The following FIGN variants were observed in gnomAD, a reference collection of about 807,000 sequenced individuals.
FIGN encodes the protein fidgetin.
FIGN carries 11 observed loss-of-function variants against 51.3 expected under a neutral mutation model. That is an observed-to-expected ratio of 0.21 (90% confidence interval 0.13 to 0.35). The LOEUF is 0.35. FIGN is among the 10% of genes least tolerant of loss of function. The pLI is 1.00. For synonymous variants in FIGN, 407 were observed against 363.2 expected, an observed-to-expected ratio of 1.12 and a Z score of -1.37; for missense variants, 857 against 943.6, an observed-to-expected ratio of 0.91 and a Z score of 1.20.
In FIGN at chr2:163,603,799, A is replaced by AT. The variant is rs1691027460; in HGVS notation, c.*5752dup. 1 of 152,098 alleles carries AT rather than the reference A, an allele frequency of 6.6e-6. No homozygotes were observed. The highest frequency in any genetic ancestry group is 6.6e-5 in the Admixed American group (1 of 15,246). The allele number at this position is 152,098 out of a possible 1,614,324, so 9.4% of individuals were successfully genotyped here. The stretch of plus-strand genomic sequence containing the variant: ...GGGTGGGTGGTGAACCCCTTTCAGC[A>AT]TTTTTTAAAACTAAGTGTTCTTTTG... On this transcript the variant is annotated 3_prime_UTR_variant, in exon 3 of 3. Transcript: ENST00000333129.
intron 2 of FIGN, chr2:163,612,627 C>T (rs1682775368): frequency 2.0e-6 from 2 of 984,508 alleles, no homozygotes; most frequent in South Asian, 4.7e-5. Flanking sequence ...GGTCTTCTAG[C>T]GTTCTCCCTC....
At chr2:163,724,510 A>ATTAC (rs144961884) in intron 2 of FIGN, among the ~76,000 whole-genome samples, 1 of 151,270 alleles carries the variant, frequency 6.6e-6, no homozygotes, top group East Asian at 1.9e-4. Context: ...AAGTTTTTTT[A>ATTAC]TTATTTATTT....
At chr2:163,721,670 T>C (rs1403931195) in intron 2 of FIGN, among the ~76,000 whole-genome samples, 4 of 152,182 alleles carry the variant, frequency 2.6e-5, no homozygotes, top group Admixed American at 2.0e-4. Context: ...CTACAGATAC[T>C]TTCTTCTGCG....
intron 2 of FIGN, among the ~76,000 whole-genome samples, chr2:163,647,786 G>A (rs1236995720): frequency 6.6e-6 from 1 of 152,178 alleles, no homozygotes; most frequent in Non-Finnish European, 1.5e-5. Context: ...CTGCGAGGTT[G>A]AAATATTTTT....
Position 163,735,053 on chromosome 2 carries a change from T to C in FIGN, c.-126A>G. ...TCACTGCCTTGAAACGTGGGCCCTTTCGTCAGGTATTCATTTAACCTACAT... is the reference window on the plus strand; with the variant it reads ...TCACTGCCTTGAAACGTGGGCCCTTCCGTCAGGTATTCATTTAACCTACAT... On this transcript the variant is annotated 5_prime_UTR_variant, in exon 2 of 3. Transcript: ENST00000333129. 1 of 841,944 alleles carries C rather than the reference T, an allele frequency of 1.2e-6. No homozygotes were observed. The highest frequency in any genetic ancestry group is 1.9e-6 in the Non-Finnish European group (1 of 533,966). The allele number at this position is 841,944 out of a possible 1,614,324, so 52.2% of individuals were successfully genotyped here. A position where few individuals can be genotyped will look rare whatever the true frequency, so the allele number is the denominator to read the frequency against.
In FIGN at chr2:163,623,495, C is replaced by T. The variant is rs527754998; in HGVS notation, c.26-11689G>A. Among the ~76,000 whole-genome samples, 23 of 152,178 alleles carry T rather than the reference C, an allele frequency of 1.5e-4. 1 individual carries two copies. Among genetic ancestry groups the T allele is most frequent in the African/African-American group, 5.3e-4 (22 of 41,538 alleles). On this transcript the variant is annotated intron_variant, in intron 2 of 2. Transcript: ENST00000333129. ...ACAGGAAAAGCAAATAATTAATGCA[C>T]CCCTATTATTACTATAGAATTATGT...
chr2:163,627,815 T>A (rs1459669008), intron 2 of FIGN, among the ~76,000 whole-genome samples: 1 of 152,148 alleles, frequency 6.6e-6, no homozygotes, highest in Non-Finnish European at 1.5e-5. Flanking sequence ...AGCATTCAAC[T>A]TCTTTTCCTA....
chr2:163,696,422 A>G (rs1684319527), intron 2 of FIGN, among the ~76,000 whole-genome samples: 2 of 152,160 alleles, frequency 1.3e-5, no homozygotes, highest in South Asian at 4.1e-4. Flanking sequence ...CCACCTCACA[A>G]TCGTTTACTT....
At chr2:163,662,524 A>G (rs1330392208) in intron 2 of FIGN, among the ~76,000 whole-genome samples, 2 of 152,188 alleles carry the variant, frequency 1.3e-5, no homozygotes, top group African/African-American at 4.8e-5. Context: ...ACCACGGGGA[A>G]AATGTCTCCA....
chr2:163,727,276 C>G (rs1684852206), intron 2 of FIGN, among the ~76,000 whole-genome samples: 1 of 151,606 alleles, frequency 6.6e-6, no homozygotes, highest in Non-Finnish European at 1.5e-5. Context: ...AAGATGAGTC[C>G]CCGTTGAAAT....
intron 2 of FIGN, among the ~76,000 whole-genome samples, chr2:163,718,449 C>G (rs1410865790): frequency 8.5e-5 from 13 of 152,144 alleles, no homozygotes; most frequent in Admixed American, 8.5e-4. Context: ...CAGAGACTGA[C>G]AAATGTACCC....
intron 2 of FIGN, among the ~76,000 whole-genome samples, chr2:163,727,373 A>G (rs1292615140): frequency 1.6e-5 from 2 of 121,714 alleles, no homozygotes; most frequent in African/African-American, 5.4e-5. Context: ...CAAGTTTGCA[A>G]TGGCTTAGTT....
chr2:163,684,098 T>G (rs1031335947), intron 2 of FIGN, among the ~76,000 whole-genome samples: 1 of 152,178 alleles, frequency 6.6e-6, no homozygotes, highest in Non-Finnish European at 1.5e-5. Context: ...ATGCTATACT[T>G]CAAGAGTTTT....
chr2:163,636,477 G>T (rs913324664), intron 2 of FIGN, among the ~76,000 whole-genome samples: 1 of 152,104 alleles, frequency 6.6e-6, no homozygotes, highest in Non-Finnish European at 1.5e-5. Flanking sequence ...TAGAGACGGG[G>T]TTTCTCCATG....
At chr2:163,653,360 A>G (rs899313751) in intron 2 of FIGN, among the ~76,000 whole-genome samples, 1 of 152,118 alleles carries the variant, frequency 6.6e-6, no homozygotes, top group Non-Finnish European at 1.5e-5. Context: ...ATTTTATAAT[A>G]TATTAAAATA....
chr2:163,674,985 A>G (rs1247228200), intron 2 of FIGN, among the ~76,000 whole-genome samples: 1 of 152,228 alleles, frequency 6.6e-6, no homozygotes, highest in East Asian at 1.9e-4. Context: ...ACATCTAAAT[A>G]TGACCCTTTA....
chr2:163,642,269 T>G (rs1389223207), intron 2 of FIGN, among the ~76,000 whole-genome samples: 1 of 152,202 alleles, frequency 6.6e-6, no homozygotes, highest in Non-Finnish European at 1.5e-5. Context: ...AGCACCCTAG[T>G]GATTCAACGA....
intron 2 of FIGN, among the ~76,000 whole-genome samples, chr2:163,670,331 AC>A (rs1683856781): frequency 6.6e-6 from 1 of 152,186 alleles, no homozygotes; most frequent in Admixed American, 6.5e-5. Flanking sequence ...AAGTAAAAAA[AC>A]AAACCCCCCA....
chr2:163,719,266 T>C (rs1684717220), intron 2 of FIGN, among the ~76,000 whole-genome samples: 2 of 152,320 alleles, frequency 1.3e-5, no homozygotes, highest in South Asian at 2.1e-4. Context: ...TGTGATTGAA[T>C]TGATTTATTT....
Sources: gnomAD v4.1 joint callset for allele counts (sites outside exome capture counted in the v4.1 genomes callset) on GRCh38, gnomAD v4.1.1 for gene constraint, MANE v1.5 for transcripts, NCBI Gene and HGNC (gene_info 2026-07-23, HGNC 2026-07-21) for gene names.